NLRP5: variants seen among roughly 807,000 people sequenced by gnomAD.
NLRP5 encodes the protein NACHT, LRR and PYD domains-containing protein 5.
A neutral mutation model predicts 113.1 loss-of-function variants in NLRP5; 93 were observed. The observed-to-expected ratio is 0.82, with a 90% CI of 0.70 to 0.98. The LOEUF (loss-of-function observed/expected upper bound fraction) is 0.98, where lower values mean the gene tolerates loss of function less well. Among genes scored for constraint, NLRP5 ranks in the 50% least tolerant of loss-of-function variants. NLRP5 has a pLI of 0.00. For synonymous variants in NLRP5, 751 were observed against 600.7 expected (o/e 1.25, Z -3.66); for missense variants, 1,808 against 1,514.3 (o/e 1.19, Z -3.22).
chr19:56,046,473 T>C (rs987755046), intron 11 of NLRP5, among the ~76,000 whole-genome samples: 1 of 150,424 alleles, frequency 6.6e-6, no homozygotes, highest in South Asian at 2.1e-4. Context: ...GCTGGCTTCA[T>C]AGAATGAATT....
chr19:56,003,992 G>A lies in NLRP5; in HGVS notation c.339G>A (p.Leu113=). ...ACGTGGAATGTCTGGCACTCCTCTTGCATGAGTATTATGGAGCATCGCTGG... is the reference window on the plus strand; with the variant it reads ...ACGTGGAATGTCTGGCACTCCTCTTACATGAGTATTATGGAGCATCGCTGG... Residue 113 remains leucine, a synonymous_variant, in exon 2 of 15, where the codon TTG becomes TTA. Transcript: ENST00000390649. 1 of 1,613,960 alleles carries A rather than the reference G, an allele frequency of 6.2e-7. No individual in the cohort carries two copies. The highest frequency in any genetic ancestry group is 2.2e-5 in the East Asian group (1 of 44,876).
At chr19:55,999,212 C>CTTTTTTTTTTTTTTTT (rs906346601), upstream of NLRP5, among the ~76,000 whole-genome samples, 7 of 111,708 alleles carry the variant, frequency 6.3e-5, no homozygotes, top group Non-Finnish European at 7.0e-5. Context: ...TTTTCTTTTT[C>CTTTTTTTTTTTTTTTT]TTTTTTTTTT....
intron 7 of NLRP5, among the ~76,000 whole-genome samples, chr19:56,030,874 C>A (rs1310232582): frequency 6.6e-6 from 1 of 151,776 alleles, no homozygotes; most frequent in Non-Finnish European, 1.5e-5. Flanking sequence ...CCACCACACC[C>A]GGCTAACTTT....
chr19:56,024,541 GTATGTATATGTGTATATA>G, intron 6 of NLRP5, among the ~76,000 whole-genome samples: 1 of 131,570 alleles, frequency 7.6e-6, no homozygotes, highest in South Asian at 2.7e-4. Context: ...ATATGTATAT[GTATGTATATGTGTATATA>G]TGTATATATA....
At chr19:56,030,205 G>T (rs1023165015) in intron 7 of NLRP5, among the ~76,000 whole-genome samples, 3 of 151,316 alleles carry the variant, frequency 2.0e-5, no homozygotes, top group Non-Finnish European at 2.9e-5. Flanking sequence ...CCCCATCTCT[G>T]CTAAAAATAC....
At chr19:56,012,448 C>CTTT (rs60128070) in intron 3 of NLRP5, among the ~76,000 whole-genome samples, 1 of 136,140 alleles carries the variant, frequency 7.3e-6, no homozygotes, top group African/African-American at 2.7e-5. Context: ...GCGCCTTGGC[C>CTTT]TTTTTTTTTT....
chr19:56,016,450 G>C (rs550452475), intron 4 of NLRP5, among the ~76,000 whole-genome samples: 1 of 152,144 alleles, frequency 6.6e-6, no homozygotes, highest in Non-Finnish European at 1.5e-5. Flanking sequence ...ACCACACCCA[G>C]CTGTGCTGAG....
At chr19:56,025,390 C>T (rs576562427) in intron 6 of NLRP5, among the ~76,000 whole-genome samples, 1 of 151,052 alleles carries the variant, frequency 6.6e-6, no homozygotes, top group East Asian at 1.9e-4. Flanking sequence ...GCTCCGTTCT[C>T]TCTCTCTCTC....
chr19:56,027,280 G>T lies in NLRP5; in HGVS notation c.1047G>T (p.Glu349Asp), dbSNP rs145630104. 4 of 1,612,112 alleles carry T rather than the reference G, an allele frequency of 2.5e-6. No homozygotes were observed. In the East Asian group the frequency reaches 6.7e-5, roughly 27 times the overall value. Residue 349 changes from glutamate to aspartate, a missense_variant, in exon 7 of 15, where the codon GAG (glutamate) becomes GAT (aspartate). Glu to Asp is a conservative substitution (Grantham distance 45, BLOSUM62 2). Transcript: ENST00000390649. ...CAGACTCCCAGGCTCCGGTGACGGAGATCATGTCCCGACCAGAAAGGCTGT... is the reference window on the plus strand; with the variant it reads ...CAGACTCCCAGGCTCCGGTGACGGATATCATGTCCCGACCAGAAAGGCTGT...
At chr19:56,040,236 G>T (rs539282167) in intron 10 of NLRP5, among the ~76,000 whole-genome samples, 27 of 151,794 alleles carry the variant, frequency 1.8e-4, no homozygotes, top group Admixed American at 1.8e-3. Flanking sequence ...CACAAACCAC[G>T]GTGCCCGCCC....
chr19:56,042,580 C>A (rs1331754032), intron 11 of NLRP5, among the ~76,000 whole-genome samples: 2 of 145,366 alleles, frequency 1.4e-5, no homozygotes, highest in Admixed American at 1.4e-4. Context: ...AACTCCTGAC[C>A]ACAGGTGATC....
the NLRP5 span, among the ~76,000 whole-genome samples, chr19:55,990,126 A>G: frequency 3.0e-5 from 3 of 100,522 alleles, no homozygotes; most frequent in Non-Finnish European, 5.5e-5. Flanking sequence ...GTCTTACTCT[A>G]TGCCCAGGCT....
At chr19:56,013,342 A>G (rs1023688059) in intron 3 of NLRP5, among the ~76,000 whole-genome samples, 1 of 151,868 alleles carries the variant, frequency 6.6e-6, no homozygotes, top group East Asian at 1.9e-4. Context: ...ACAGGTGCCT[A>G]CCACTACACC....
rs149742021 is a variant in NLRP5 at position 56,023,187 on chromosome 19, G to GGT, written c.679+2759_679+2760dup. ...TGATAATTAAATCCATAGAAAAAGA[G>GGT]GTGTTTGAGGAAGAACTGAGGGAGG... On this transcript the variant is annotated intron_variant, in intron 6 of 14. Coordinates refer to ENST00000390649, the MANE Select transcript of NLRP5 (RefSeq NM_153447.4). Among the ~76,000 whole-genome samples, 500 of 152,308 alleles carry GGT rather than the reference G, an allele frequency of 3.3e-3. 7 individuals are homozygous for GGT. The highest frequency in any genetic ancestry group is 0.012 in the African/African-American group (478 of 41,558).
At chr19:56,020,941 T>C (rs1333489299) in intron 6 of NLRP5, among the ~76,000 whole-genome samples, 2 of 151,468 alleles carry the variant, frequency 1.3e-5, no homozygotes, top group Non-Finnish European at 2.9e-5. Flanking sequence ...TGGCGGTATC[T>C]CGGCTCAGTG....
upstream of NLRP5, among the ~76,000 whole-genome samples, chr19:55,998,445 A>T (rs2123256708): frequency 6.6e-6 from 1 of 152,140 alleles, no homozygotes; most frequent in Non-Finnish European, 1.5e-5. Context: ...CAAGGTCAGG[A>T]GTTCGAGACC....
chr19:56,027,311 A>G lies in NLRP5; in HGVS notation c.1078A>G (p.Ile360Val), dbSNP rs755734736. 2 of 1,612,370 alleles carry G rather than the reference A, an allele frequency of 1.2e-6. No homozygotes were observed. Among genetic ancestry groups the G allele is most frequent in the Non-Finnish European group, 1.7e-6 (2 of 1,179,876 alleles). Residue 360 changes from isoleucine (I) to valine (V), a missense_variant, in exon 7 of 15, where the codon ATC becomes GTC. Physicochemically the swap from Ile to Val is conservative, Grantham distance 29 (BLOSUM62 3). Transcript: ENST00000390649. ...GTCCCGACCAGAAAGGCTGTTGTTC[A>G]TCATTGACGGTTTCGATGACCTGGG...
chr19:56,039,738 C>T (rs1360843606), intron 10 of NLRP5, among the ~76,000 whole-genome samples: 1 of 152,020 alleles, frequency 6.6e-6, no homozygotes, highest in Non-Finnish European at 1.5e-5. Flanking sequence ...GTGGTGAAAC[C>T]CCATCTCTAC....
chr19:56,023,876 T>C (rs1263575766), intron 6 of NLRP5, among the ~76,000 whole-genome samples: 1 of 152,180 alleles, frequency 6.6e-6, no homozygotes, highest in Non-Finnish European at 1.5e-5. Context: ...AGTAATTGTA[T>C]TACACATTTG....
Sources: allele counts gnomAD v4.1 joint callset (sites outside exome capture counted in the v4.1 genomes callset), GRCh38; gene constraint gnomAD v4.1.1; transcripts MANE v1.5; gene names NCBI Gene and HGNC (gene_info 2026-07-23, HGNC 2026-07-21).